The following GRID2 variants were observed in gnomAD, a reference collection of about 807,000 sequenced individuals.
GRID2 encodes glutamate receptor ionotropic, delta-2.
In GRID2, 33 loss-of-function variants were observed where a neutral mutation model predicts 114.8. The ratio of observed to expected loss-of-function variants is 0.29; its 90% confidence interval spans 0.22 to 0.38. The LOEUF (loss-of-function observed/expected upper bound fraction) is 0.38, where lower values mean the gene tolerates loss of function less well. Ranked by LOEUF, GRID2 falls within the 10% of genes least tolerant of loss-of-function variation. The pLI, the probability that GRID2 is intolerant of heterozygous loss-of-function variation, is 1.00. For missense variants in GRID2, 1,184 were observed against 1,257.7 expected, an observed-to-expected ratio of 0.94 and a Z score of 0.89; for synonymous variants, 505 against 449.9, an observed-to-expected ratio of 1.12 and a Z score of -1.55.
intron 8 of GRID2, among the ~76,000 whole-genome samples, chr4:93,244,711 G>T (rs911892054): frequency 6.7e-6 from 1 of 149,496 alleles, no homozygotes; most frequent in Non-Finnish European, 1.5e-5. Context: ...AATTTTTAAT[G>T]GACTAAAATC....
chr4:92,966,376 C>T (rs1229737810), intron 2 of GRID2, among the ~76,000 whole-genome samples: 1 of 151,910 alleles, frequency 6.6e-6, no homozygotes, highest in Non-Finnish European at 1.5e-5. Flanking sequence ...GGACAAAGCC[C>T]TTGACCTACT....
chr4:92,858,205 G>C (rs983932563), intron 2 of GRID2, among the ~76,000 whole-genome samples: 1 of 152,144 alleles, frequency 6.6e-6, no homozygotes, highest in Non-Finnish European at 1.5e-5. Flanking sequence ...GAACTGAGTA[G>C]TAATTTTAAC....
At chr4:93,692,716 T>C (rs551048763) in intron 14 of GRID2, among the ~76,000 whole-genome samples, 1 of 152,306 alleles carries the variant, frequency 6.6e-6, no homozygotes, top group African/African-American at 2.4e-5. Flanking sequence ...CATTTAAAGT[T>C]CTTGATTTCT....
intron 2 of GRID2, among the ~76,000 whole-genome samples, chr4:92,640,244 A>C (rs1731279746): frequency 6.6e-6 from 1 of 151,886 alleles, no homozygotes; most frequent in Non-Finnish European, 1.5e-5. Context: ...AAAGTGCCAC[A>C]TGTGGTATGC....
At chr4:92,947,458 C>T (rs1241979257) in intron 2 of GRID2, among the ~76,000 whole-genome samples, 2 of 151,760 alleles carry the variant, frequency 1.3e-5, no homozygotes, top group East Asian at 1.9e-4. Flanking sequence ...ATAGTAGTGA[C>T]ATATGTGCTA....
intron 4 of GRID2, among the ~76,000 whole-genome samples, chr4:93,151,275 G>T (rs1319559154): frequency 6.6e-6 from 1 of 151,984 alleles, no homozygotes; most frequent in Non-Finnish European, 1.5e-5. Context: ...GTCATCTGAG[G>T]TCTGGTATGC....
At chr4:92,872,848 G>C (rs547057303) in intron 2 of GRID2, among the ~76,000 whole-genome samples, 1 of 152,326 alleles carries the variant, frequency 6.6e-6, no homozygotes, top group Non-Finnish European at 1.5e-5. Flanking sequence ...ATATGCCTAA[G>C]GGCAGGATTT....
intron 1 of GRID2, among the ~76,000 whole-genome samples, chr4:92,520,626 C>T (rs1724723995): frequency 6.6e-6 from 1 of 151,948 alleles, no homozygotes; most frequent in African/African-American, 2.4e-5. Flanking sequence ...CCCTAAAGAT[C>T]TCCTACAGAT....
At chr4:93,082,357 A>G (rs1276651950) in intron 2 of GRID2, among the ~76,000 whole-genome samples, 1 of 152,174 alleles carries the variant, frequency 6.6e-6, no homozygotes, top group Admixed American at 6.5e-5. Flanking sequence ...TGTGGTGAAA[A>G]GGATGATTGG....
intron 2 of GRID2, among the ~76,000 whole-genome samples, chr4:92,714,778 A>G (rs2149312778): frequency 6.6e-6 from 1 of 152,258 alleles, no homozygotes; most frequent in East Asian, 1.9e-4. Flanking sequence ...TGGCTAGGAC[A>G]CAGGGCACCA....
chr4:93,536,893 A>G (rs902712847), intron 13 of GRID2, among the ~76,000 whole-genome samples: 1 of 151,728 alleles, frequency 6.6e-6, no homozygotes, highest in Non-Finnish European at 1.5e-5. Context: ...TTTAAAGGAT[A>G]GAAGTTTTAA....
intron 2 of GRID2, among the ~76,000 whole-genome samples, chr4:92,595,434 AT>A (rs1426537017): frequency 6.6e-6 from 1 of 151,922 alleles, no homozygotes; most frequent in African/African-American, 2.4e-5. Context: ...AATAAATGAT[AT>A]TTTTAATATA....
intron 1 of GRID2, among the ~76,000 whole-genome samples, chr4:92,550,114 A>G (rs1726503163): frequency 6.6e-6 from 1 of 152,188 alleles, no homozygotes; most frequent in Non-Finnish European, 1.5e-5. Context: ...TACAGTATAT[A>G]GAGCCACTGA....
chr4:92,920,989 C>G lies in GRID2; in HGVS notation c.245-164006C>G, dbSNP rs576117412. Among the ~76,000 whole-genome samples, 12 of 152,288 alleles carry G rather than the reference C, an allele frequency of 7.9e-5. No homozygotes were observed. The South Asian group carries it at 1.5e-3, about 18-fold the overall frequency. ...CCCAGTCACTTTCAGGTACACCAAT[C>G]AGACGTAGATTTGGTCTTTTCACAT... On this transcript the variant is annotated intron_variant, in intron 2 of 15. Coordinates refer to ENST00000282020, the MANE Select transcript of GRID2 (RefSeq NM_001510.4).
In GRID2 at chr4:93,456,693, T is replaced by C. The variant is rs1056724788; in HGVS notation, c.1858+719T>C. Among the ~76,000 whole-genome samples the C allele has an allele frequency of 5.3e-5, 8 of 151,490 alleles. 1 individual carries two copies. The South Asian group carries it at 8.3e-4, about 16-fold the overall frequency. ...AATAGTAAGAAAATTGATAGTCTCT[T>C]GCAAGCTCTACACATATATTGAAGA... On this transcript the variant is annotated intron_variant, in intron 11 of 15. Transcript: ENST00000282020.
chr4:93,354,038 C>T (rs1560531079), intron 8 of GRID2, among the ~76,000 whole-genome samples: 1 of 151,260 alleles, frequency 6.6e-6, no homozygotes, highest in Non-Finnish European at 1.5e-5. Context: ...CACACACACA[C>T]ACACATATGC....
At chr4:92,355,453 A>G (rs1728272974) in intron 1 of GRID2, among the ~76,000 whole-genome samples, 1 of 151,864 alleles carries the variant, frequency 6.6e-6, no homozygotes, top group Non-Finnish European at 1.5e-5. Flanking sequence ...AAATGTTACT[A>G]CAACTATAAT....
chr4:93,651,405 A>G (rs1421153925), intron 14 of GRID2, among the ~76,000 whole-genome samples: 1 of 152,190 alleles, frequency 6.6e-6, no homozygotes, highest in Non-Finnish European at 1.5e-5. Context: ...TTGGTGGAGC[A>G]TATACTGTAC....
chr4:93,242,119 G>A (rs762413818), intron 8 of GRID2, among the ~76,000 whole-genome samples: 2 of 151,940 alleles, frequency 1.3e-5, no homozygotes, highest in Non-Finnish European at 2.9e-5. Context: ...TATGTTTGAT[G>A]TTAGGAAGTT....
Sources: allele counts gnomAD v4.1 joint callset (sites outside exome capture counted in the v4.1 genomes callset), GRCh38; gene constraint gnomAD v4.1.1; transcripts MANE v1.5; gene names NCBI Gene and HGNC (gene_info 2026-07-23, HGNC 2026-07-21).